Variants in SERPINA6 observed in about 807,000 individuals in gnomAD.
The protein encoded by SERPINA6 is serpin family A member 6.
SERPINA6 carries 19 observed loss-of-function variants against 26.4 expected under a neutral mutation model. That is an observed-to-expected ratio of 0.72 (90% confidence interval 0.50 to 1.06). The LOEUF is 1.06. Ranked by LOEUF, SERPINA6 falls within the 50% of genes least tolerant of loss-of-function variation. The pLI is 0.00. For missense variants in SERPINA6, 473 were observed against 504.0 expected (o/e 0.94, Z 0.59); for synonymous variants, 196 against 199.4 (o/e 0.98, Z 0.14).
intron 1 of SERPINA6, among the ~76,000 whole-genome samples, chr14:94,321,250 C>A (rs1462550067): frequency 6.6e-6 from 1 of 152,054 alleles, no homozygotes; most frequent in African/African-American, 2.4e-5. Flanking sequence ...GCCCTTTTAC[C>A]CATCTGCAGC....
At chr14:94,323,045 A>AGGAACCCAGGGGACATC (rs1388070831) in intron 1 of SERPINA6, among the ~76,000 whole-genome samples, 1 of 152,250 alleles carries the variant, frequency 6.6e-6, no homozygotes, top group Non-Finnish European at 1.5e-5. Context: ...CCTGCATGGC[A>AGGAACCCAGGGGACATC]GGAACCCAGG....
chr14:94,318,518 A>C (rs565472229), intron 1 of SERPINA6, among the ~76,000 whole-genome samples: 3 of 152,208 alleles, frequency 2.0e-5, no homozygotes, highest in Admixed American at 2.0e-4. Context: ...TAAGCCTTTC[A>C]TATGTAGTAA....
chr14:94,306,302 C>G (rs1895439723), intron 3 of SERPINA6, 84 bp from the exon 4 acceptor site: 7 of 1,438,242 alleles, frequency 4.9e-6, no homozygotes, highest in Non-Finnish European at 5.8e-6. Flanking sequence ...CCTGGCCAGA[C>G]TCTTATTTCC....
At chr14:94,315,091 GC>G (rs1895594841) in intron 1 of SERPINA6, among the ~76,000 whole-genome samples, 2 of 152,170 alleles carry the variant, frequency 1.3e-5, no homozygotes, top group African/African-American at 4.8e-5. Context: ...AGCTGAGTAA[GC>G]TTTTTTCCAC....
intron 3 of SERPINA6, among the ~76,000 whole-genome samples, chr14:94,309,459 G>A (rs1274108715): frequency 6.6e-6 from 1 of 152,212 alleles, no homozygotes; most frequent in Admixed American, 6.5e-5. Flanking sequence ...ACAAAAATAT[G>A]ACAATGCAGA....
At chr14:94,311,330 C>T (rs1257062622) in intron 2 of SERPINA6, among the ~76,000 whole-genome samples, 1 of 152,140 alleles carries the variant, frequency 6.6e-6, no homozygotes, top group Non-Finnish European at 1.5e-5. Context: ...GGCTAACTTA[C>T]AGCAAAAAAA....
chr14:94,309,807 C>A lies in SERPINA6; in HGVS notation c.813G>T (p.Gly271=). 6.2e-7 allele frequency: 1 copy of A among 1,614,174 alleles called. No individual in the cohort carries two copies. The highest frequency in any genetic ancestry group is 8.5e-7 in the Non-Finnish European group (1 of 1,180,026). The part of the protein sequence containing the change: ...GTVFFILPDK[G]KMNTVIAALS... ...GTGCAGCGATGACTGTGTTCATCTT[C>A]CCCTTGTCCGGAAGGATGAAGAAGA... The change falls in exon 3 of 5, where the codon GGG becomes GGT. Residue 271 remains glycine (G), a synonymous_variant. Coordinates refer to ENST00000341584, the MANE Select transcript of SERPINA6 (RefSeq NM_001756.4).
chr14:94,322,296 G>A (rs1277872272), intron 1 of SERPINA6, among the ~76,000 whole-genome samples: 1 of 152,180 alleles, frequency 6.6e-6, no homozygotes, highest in Non-Finnish European at 1.5e-5. Context: ...ATCATCTGAG[G>A]TCAGGAGTTC....
At chr14:94,309,472 G>T (rs531194156) in intron 3 of SERPINA6, among the ~76,000 whole-genome samples, 2 of 152,182 alleles carry the variant, frequency 1.3e-5, no homozygotes, top group African/African-American at 4.8e-5. Context: ...AATGCAGAGG[G>T]TATGTATGAA....
chr14:94,310,327 G>T (rs1379698813), intron 2 of SERPINA6, among the ~76,000 whole-genome samples: 1 of 152,154 alleles, frequency 6.6e-6, no homozygotes, highest in Admixed American at 6.5e-5. Context: ...CATGCCTAGA[G>T]TGGGTCCCAG....
intron 3 of SERPINA6, among the ~76,000 whole-genome samples, chr14:94,307,059 G>A (rs1048625640): frequency 6.6e-6 from 1 of 152,158 alleles, no homozygotes; most frequent in Non-Finnish European, 1.5e-5. Flanking sequence ...ACCATCCTGC[G>A]TGAAGTGGAA....
intron 1 of SERPINA6, among the ~76,000 whole-genome samples, chr14:94,322,928 C>T (rs968051892): frequency 4.8e-5 from 7 of 144,806 alleles, no homozygotes; most frequent in South Asian, 2.5e-4. Context: ...TTGCAGGCTG[C>T]GACTCTGTGG....
chr14:94,306,347 G>T, intron 3 of SERPINA6, 129 bp from the exon 4 acceptor site: 2 of 959,430 alleles, frequency 2.1e-6, no homozygotes, highest in South Asian at 1.4e-5. Flanking sequence ...CCTCCAGCCT[G>T]ACTTGCTCTT....
chr14:94,320,742 C>T (rs1895673173), intron 1 of SERPINA6, among the ~76,000 whole-genome samples: 1 of 152,144 alleles, frequency 6.6e-6, no homozygotes, highest in Admixed American at 6.5e-5. Flanking sequence ...CCCGCAAAAC[C>T]CTTAGTTCTC....
In SERPINA6 at chr14:94,314,661, C is replaced by T; in HGVS notation, c.-13G>A. 1 of 1,611,008 alleles carries T rather than the reference C, an allele frequency of 6.2e-7. No individual in the cohort carries two copies. The highest frequency in any genetic ancestry group is 1.1e-5 in the South Asian group (1 of 91,072). ...GGAGGAGTGGCATTGTCCAGTATAG[C>T]CAGGCCCTGCCAAATCAGAAAAGCT... On this transcript the variant is annotated 5_prime_UTR_variant, in exon 2 of 5. Transcript: ENST00000341584.
chr14:94,314,757 C>T, intron 1 of SERPINA6, 90 bp from the exon 2 acceptor site: 3 of 1,260,790 alleles, frequency 2.4e-6, no homozygotes, highest in South Asian at 2.4e-5. Context: ...AGACCCCATT[C>T]AAGCCCCAGT....
chr14:94,319,572 T>C lies in SERPINA6; in HGVS notation c.-20+3695A>G, dbSNP rs551273356. 5.3e-5 allele frequency among the ~76,000 whole-genome samples: 8 copies of C among 152,308 alleles called. No individual in the cohort carries two copies. In the South Asian group the frequency reaches 1.7e-3, roughly 32 times the overall value. On this transcript the variant is annotated intron_variant, in intron 1 of 4. Transcript: ENST00000341584. The stretch of plus-strand genomic sequence containing the variant: ...TGAAAACAACCCAAATGTCTATCAA[T>C]GGATGAATGAATAAACAAAGTCTGG...
At position 94,309,849 on chromosome 14, in the gene SERPINA6, G is replaced by C; in HGVS notation, c.771C>G (p.Tyr257Ter). 1 of 1,614,194 alleles carries C rather than the reference G, an allele frequency of 6.2e-7. No homozygotes were observed. The highest frequency in any genetic ancestry group is 8.5e-7 in the Non-Finnish European group (1 of 1,180,042). The change falls in exon 3 of 5, where the codon TAC (tyrosine) becomes TAG (stop). Residue 257 changes from tyrosine to a stop codon, truncating the protein, a stop_gained. Transcript: ENST00000341584. LOFTEE classifies it high-confidence loss of function. ...ELPCQLVQMN[Y>*]VGNGTVFFIL... The stretch of plus-strand genomic sequence containing the variant: ...TGAAGAAGACAGTCCCATTGCCCAC[G>C]TAGTTCATCTGCACCAGCTGGCAGG...
At chr14:94,317,706 ACCT>A (rs1269194353) in intron 1 of SERPINA6, among the ~76,000 whole-genome samples, 3 of 152,216 alleles carry the variant, frequency 2.0e-5, no homozygotes, top group Non-Finnish European at 4.4e-5. Flanking sequence ...GAAGAAAACT[ACCT>A]CAACATAATC....
Sources: gnomAD v4.1 joint callset for allele counts (sites outside exome capture counted in the v4.1 genomes callset) on GRCh38, gnomAD v4.1.1 for gene constraint, MANE v1.5 for transcripts, NCBI Gene and HGNC (gene_info 2026-07-23, HGNC 2026-07-21) for gene names.